The following NDUFS4 variants were observed in gnomAD, a reference collection of about 807,000 sequenced individuals.
The protein encoded by NDUFS4 is NADH dehydrogenase [ubiquinone] iron-sulfur protein 4, mitochondrial.
NDUFS4 carries 28 observed loss-of-function variants against 24.3 expected under a neutral mutation model. The ratio of observed to expected loss-of-function variants is 1.15; its 90% CI spans 0.85 to 1.58. The LOEUF (loss-of-function observed/expected upper bound fraction) is 1.58. NDUFS4 is among the 40% of genes most tolerant of loss of function. The pLI, the probability that NDUFS4 is intolerant of heterozygous loss-of-function variation, is 0.00. For missense variants in NDUFS4, 223 were observed against 207.9 expected (o/e 1.07, Z -0.45); for synonymous variants, 93 against 69.7 (o/e 1.34, Z -1.67).
chr5:53,627,909 C>A (rs190844172), intron 2 of NDUFS4, among the ~76,000 whole-genome samples: 1 of 152,234 alleles, frequency 6.6e-6, no homozygotes, highest in East Asian at 1.9e-4. Context: ...CCAGAGCTTC[C>A]AGTACTATGT....
chr5:53,590,247 C>T (rs948891075), intron 1 of NDUFS4, among the ~76,000 whole-genome samples: 2 of 152,156 alleles, frequency 1.3e-5, no homozygotes, highest in Non-Finnish European at 2.9e-5. Flanking sequence ...GTTAATTGGA[C>T]ATCCTTTTCC....
In NDUFS4 at chr5:53,603,454, C is replaced by T. The variant is rs772784623; in HGVS notation, c.101C>T (p.Ser34Leu). The change falls in exon 2 of 5, where the codon TCG (serine) becomes TTG (leucine). Residue 34 changes from serine (S) to leucine (L), a missense_variant and splice_region_variant. Ser to Leu is a moderately radical substitution (Grantham distance 145). Transcript: ENST00000296684. Reference sequence around the variant, plus strand: ...TAACTTAAAGTCTTGCACTGCAGGTCGTTGAGGACTTCCACATGGAGATTG... The same window carrying T: ...TAACTTAAAGTCTTGCACTGCAGGTTGTTGAGGACTTCCACATGGAGATTG... ...ALSVSRVPTRSLRTSTWRLAQ... is the reference protein window; with the variant it reads ...ALSVSRVPTRLLRTSTWRLAQ... The T allele has an allele frequency of 1.4e-5, 22 of 1,611,966 alleles. No individual in the cohort carries two copies. Among genetic ancestry groups the T allele is most frequent in the Non-Finnish European group, 1.8e-5 (21 of 1,179,230 alleles).
chr5:53,592,544 A>G (rs1750006677), intron 1 of NDUFS4, among the ~76,000 whole-genome samples: 1 of 152,184 alleles, frequency 6.6e-6, no homozygotes, highest in Admixed American at 6.5e-5. Flanking sequence ...ATTTAGGTTC[A>G]TGAGCCATTT....
At chr5:53,582,944 C>T (rs1258111352) in intron 1 of NDUFS4, among the ~76,000 whole-genome samples, 3 of 152,132 alleles carry the variant, frequency 2.0e-5, no homozygotes, top group Admixed American at 6.6e-5. Context: ...CTCTGTCACC[C>T]AGGTTGAAGT....
chr5:53,561,634 A>C (rs1231674693), intron 1 of NDUFS4, among the ~76,000 whole-genome samples: 3 of 152,140 alleles, frequency 2.0e-5, no homozygotes. Flanking sequence ...CAAAGATTGG[A>C]AAGACTGGAT....
chr5:53,676,203 G>T (rs1740463506), intron 4 of NDUFS4, among the ~76,000 whole-genome samples: 1 of 152,178 alleles, frequency 6.6e-6, no homozygotes, highest in Non-Finnish European at 1.5e-5. Flanking sequence ...ATTTTTCCAG[G>T]ACTGGGTTGA....
intron 2 of NDUFS4, among the ~76,000 whole-genome samples, chr5:53,634,775 G>T (rs148282439): frequency 6.6e-6 from 1 of 151,648 alleles, no homozygotes; most frequent in Non-Finnish European, 1.5e-5. Context: ...TTTTCAAAAG[G>T]TAATGTTATA....
intron 2 of NDUFS4, among the ~76,000 whole-genome samples, chr5:53,624,348 G>A (rs1390959957): frequency 1.3e-5 from 2 of 152,074 alleles, no homozygotes. Context: ...GTGAATTTTA[G>A]GATGGATTTT....
chr5:53,621,935 C>G (rs915396377), intron 2 of NDUFS4, among the ~76,000 whole-genome samples: 2 of 151,996 alleles, frequency 1.3e-5, no homozygotes, highest in African/African-American at 4.8e-5. Flanking sequence ...CTCCTGACCT[C>G]ATGATCTGCC....
intron 2 of NDUFS4, among the ~76,000 whole-genome samples, chr5:53,645,240 G>A (rs1317634975): frequency 2.0e-5 from 3 of 152,044 alleles, no homozygotes; most frequent in Non-Finnish European, 1.5e-5. Flanking sequence ...GATTTACTTT[G>A]ATCAGATAAA....
chr5:53,643,162 C>A (rs1579911128), intron 2 of NDUFS4, among the ~76,000 whole-genome samples: 1 of 152,062 alleles, frequency 6.6e-6, no homozygotes, highest in African/African-American at 2.4e-5. Flanking sequence ...TGAGGTTCTT[C>A]AGGTGCCAGC....
chr5:53,563,604 C>T (rs1331599238), intron 1 of NDUFS4, among the ~76,000 whole-genome samples: 2 of 151,880 alleles, frequency 1.3e-5, no homozygotes, highest in Non-Finnish European at 2.9e-5. Context: ...CGGGTTCAAG[C>T]GATTCTCCCG....
Position 53,663,097 on chromosome 5 carries a change from A to G in NDUFS4, c.424+4473A>G, listed in dbSNP as rs1329730678. On this transcript the variant is annotated intron_variant, in intron 4 of 4. Transcript: ENST00000296684. Reference sequence around the variant, plus strand: ...ATTATGTACCCAGTAGTCATTCAGGAGCAGGTTGTTCAGTTTCCATGTAGT... The same window carrying G: ...ATTATGTACCCAGTAGTCATTCAGGGGCAGGTTGTTCAGTTTCCATGTAGT... Among the ~76,000 whole-genome samples the G allele has an allele frequency of 2.0e-5, 3 of 151,974 alleles. No homozygotes were observed. In the East Asian group the frequency reaches 5.8e-4, roughly 29 times the overall value.
chr5:53,586,787 T>G (rs1426844362), intron 1 of NDUFS4, among the ~76,000 whole-genome samples: 1 of 152,044 alleles, frequency 6.6e-6, no homozygotes, highest in African/African-American at 2.4e-5. Flanking sequence ...CCTCCTAAAG[T>G]GCTGGAATTA....
At chr5:53,642,260 G>A (rs2112502447) in intron 2 of NDUFS4, among the ~76,000 whole-genome samples, 1 of 152,210 alleles carries the variant, frequency 6.6e-6, no homozygotes, top group South Asian at 2.1e-4. Flanking sequence ...CAAAAAGGAG[G>A]TTCCTGTGGA....
At chr5:53,562,149 G>A (rs2112400520) in intron 1 of NDUFS4, among the ~76,000 whole-genome samples, 1 of 152,092 alleles carries the variant, frequency 6.6e-6, no homozygotes, top group South Asian at 2.1e-4. Flanking sequence ...GATTACAGGC[G>A]CGCACCACCA....
At chr5:53,598,741 A>T (rs1750212891) in intron 1 of NDUFS4, among the ~76,000 whole-genome samples, 1 of 152,202 alleles carries the variant, frequency 6.6e-6, no homozygotes, top group Non-Finnish European at 1.5e-5. Flanking sequence ...AATAAGGTTT[A>T]TTGATAAAAA....
chr5:53,625,351 T>A (rs1751186647), intron 2 of NDUFS4, among the ~76,000 whole-genome samples: 1 of 152,206 alleles, frequency 6.6e-6, no homozygotes, highest in African/African-American at 2.4e-5. Context: ...TGTGGTTTTC[T>A]TTACATGTAT....
intron 3 of NDUFS4, among the ~76,000 whole-genome samples, chr5:53,653,285 G>T (rs913659535): frequency 1.3e-5 from 2 of 152,124 alleles, no homozygotes; most frequent in South Asian, 4.1e-4. Context: ...TAGATGTTGC[G>T]AATTCTCTCA....
Sources: allele counts gnomAD v4.1 joint callset (sites outside exome capture counted in the v4.1 genomes callset), GRCh38; gene constraint gnomAD v4.1.1; transcripts MANE v1.5; gene names NCBI Gene and HGNC (gene_info 2026-07-23, HGNC 2026-07-21).